Variants in ASTN2 observed in about 807,000 individuals in gnomAD.
ASTN2 encodes the protein astrotactin-2.
A neutral mutation model predicts 139.8 loss-of-function variants in ASTN2; 54 were observed. That is an observed-to-expected ratio of 0.39 (90% CI 0.31 to 0.48). The LOEUF is 0.48. ASTN2 is among the 20% of genes least tolerant of loss of function. ASTN2 has a pLI of 0.95. For missense variants in ASTN2, 1,565 were observed against 1,725.1 expected (o/e 0.91, Z 1.64); for synonymous variants, 756 against 719.5 (o/e 1.05, Z -0.81).
At chr9:117,080,501 C>T (rs564705681) in intron 5 of ASTN2, among the ~76,000 whole-genome samples, 18 of 151,876 alleles carry the variant, frequency 1.2e-4, no homozygotes, top group African/African-American at 4.3e-4. Flanking sequence ...TGAAAAAAAA[C>T]AGGAGTGCAA....
At chr9:116,814,789 T>C (rs1000232632) in intron 12 of ASTN2, among the ~76,000 whole-genome samples, 3 of 152,340 alleles carry the variant, frequency 2.0e-5, no homozygotes, top group African/African-American at 7.2e-5. Flanking sequence ...TAGTTTGTTG[T>C]TGTTGTTTAA....
In ASTN2 at chr9:117,266,853, T is replaced by C. The variant is rs762111470; in HGVS notation, c.630+24473A>G. Among the ~76,000 whole-genome samples, 156 of 152,246 alleles carry C rather than the reference T, an allele frequency of 1.0e-3. 1 individual carries two copies. The highest frequency in any genetic ancestry group is 1.8e-3 in the Non-Finnish European group (121 of 68,038). Reference sequence around the variant, plus strand: ...TTATCTCCCCCAAATGCTTGTTAATTGCTTTAGTGGTCTCAACAAATGTTC... The same window carrying C: ...TTATCTCCCCCAAATGCTTGTTAATCGCTTTAGTGGTCTCAACAAATGTTC... On this transcript the variant is annotated intron_variant, in intron 2 of 22. Coordinates refer to ENST00000313400, the MANE Select transcript of ASTN2 (RefSeq NM_001365068.1).
chr9:117,180,493 A>C, intron 3 of ASTN2: 1 of 594,842 alleles, frequency 1.7e-6, no homozygotes, highest in Non-Finnish European at 2.9e-6. Context: ...CCACATCGTC[A>C]GCACATTTGA....
intron 10 of ASTN2, among the ~76,000 whole-genome samples, chr9:116,971,148 G>A (rs1389916854): frequency 1.3e-5 from 2 of 152,134 alleles, no homozygotes; most frequent in African/African-American, 2.4e-5. Flanking sequence ...AGATTTTTCA[G>A]AATTAAAATA....
intron 22 of ASTN2, chr9:116,437,514 T>C: frequency 2.1e-6 from 1 of 471,366 alleles, no homozygotes; most frequent in Non-Finnish European, 4.4e-6. Flanking sequence ...ACTGAGTGGA[T>C]TGCCTGGCCT....
At chr9:117,328,281 G>A (rs982132968) in intron 1 of ASTN2, among the ~76,000 whole-genome samples, 10 of 152,040 alleles carry the variant, frequency 6.6e-5, no homozygotes, top group Non-Finnish European at 1.5e-4. Flanking sequence ...ATGATCAAAT[G>A]GGATAAATTA....
chr9:116,657,342 T>A (rs1359700591), intron 16 of ASTN2, among the ~76,000 whole-genome samples: 1 of 152,218 alleles, frequency 6.6e-6, no homozygotes, highest in Admixed American at 6.5e-5. Context: ...TCAATAAATA[T>A]TATTTGTTAT....
At chr9:116,984,537 T>C (rs936519210) in intron 7 of ASTN2, among the ~76,000 whole-genome samples, 6 of 152,186 alleles carry the variant, frequency 3.9e-5, no homozygotes, top group African/African-American at 1.2e-4. Context: ...TTTCAGCAGG[T>C]CTGCCTTGGT....
At chr9:117,189,248 C>T (rs1344695152) in intron 3 of ASTN2, among the ~76,000 whole-genome samples, 2 of 152,134 alleles carry the variant, frequency 1.3e-5, no homozygotes, top group African/African-American at 2.4e-5. Context: ...CCCTTCCAGT[C>T]AGGGATATAT....
intron 13 of ASTN2, among the ~76,000 whole-genome samples, chr9:116,766,378 C>T (rs1361526953): frequency 2.6e-5 from 4 of 151,968 alleles, no homozygotes; most frequent in African/African-American, 9.7e-5. Context: ...CATACATTCA[C>T]ATACATGCCC....
At chr9:116,532,360 G>C (rs1391100951) in intron 19 of ASTN2, among the ~76,000 whole-genome samples, 1 of 152,166 alleles carries the variant, frequency 6.6e-6, no homozygotes, top group Non-Finnish European at 1.5e-5. Context: ...AAGCTCTTTG[G>C]TTTAATTAGA....
At chr9:117,281,070 T>C (rs1834312752) in intron 2 of ASTN2, among the ~76,000 whole-genome samples, 1 of 152,218 alleles carries the variant, frequency 6.6e-6, no homozygotes, top group Admixed American at 6.5e-5. Flanking sequence ...TTAAAGTCAA[T>C]ATTCTTAATA....
chr9:117,115,835 C>T (rs1276671273), intron 4 of ASTN2, among the ~76,000 whole-genome samples: 3 of 152,012 alleles, frequency 2.0e-5, no homozygotes, highest in Middle Eastern at 3.4e-3. Context: ...ACTATCCTGG[C>T]TAACATGGTG....
At chr9:116,535,316 A>G (rs1851567874) in intron 19 of ASTN2, among the ~76,000 whole-genome samples, 1 of 152,116 alleles carries the variant, frequency 6.6e-6, no homozygotes, top group Non-Finnish European at 1.5e-5. Flanking sequence ...TCTTTGTCCA[A>G]TTTGCCAATC....
intron 3 of ASTN2, among the ~76,000 whole-genome samples, chr9:117,163,249 T>C (rs1226819023): frequency 6.6e-6 from 1 of 152,092 alleles, no homozygotes; most frequent in African/African-American, 2.4e-5. Flanking sequence ...GAGTGGAGAC[T>C]GAAAGGTTGG....
chr9:117,248,316 T>C (rs1330645430), intron 2 of ASTN2, among the ~76,000 whole-genome samples: 1 of 152,082 alleles, frequency 6.6e-6, no homozygotes, highest in African/African-American at 2.4e-5. Flanking sequence ...GAAATGTGAG[T>C]TGAGTCAACA....
intron 13 of ASTN2, among the ~76,000 whole-genome samples, chr9:116,783,514 T>C (rs893613886): frequency 2.0e-5 from 3 of 152,224 alleles, no homozygotes; most frequent in Non-Finnish European, 4.4e-5. Flanking sequence ...GCATCTACTA[T>C]GCATCTGTTG....
At chr9:117,092,276 A>C (rs535263025) in intron 5 of ASTN2, among the ~76,000 whole-genome samples, 92 of 151,936 alleles carry the variant, frequency 6.1e-4, no homozygotes, top group Non-Finnish European at 1.1e-3. Flanking sequence ...TGTCTTCCAA[A>C]ATCTTCTAAC....
intron 20 of ASTN2, among the ~76,000 whole-genome samples, chr9:116,473,637 C>T (rs1373253899): frequency 6.6e-6 from 1 of 152,218 alleles, no homozygotes; most frequent in African/African-American, 2.4e-5. Context: ...GTGGCTCATG[C>T]CTGTAATCCC....
Sources: allele counts gnomAD v4.1 joint callset (sites outside exome capture counted in the v4.1 genomes callset), GRCh38; gene constraint gnomAD v4.1.1; transcripts MANE v1.5; gene names NCBI Gene and HGNC (gene_info 2026-07-23, HGNC 2026-07-21).